Variants in FAM117A observed in about 807,000 individuals in gnomAD.
FAM117A encodes family with sequence similarity 117 member A, also known as protein FAM117A.
In FAM117A, 21 loss-of-function variants were observed where a neutral mutation model predicts 44.1. The observed-to-expected ratio is 0.48, with a 90% CI of 0.34 to 0.69. The LOEUF (loss-of-function observed/expected upper bound fraction) is 0.69. FAM117A is among the 30% of genes least tolerant of loss of function. The probability of loss-of-function intolerance (pLI) is 0.01; values close to 1 mark genes in which losing one functional copy is unlikely to be tolerated. For synonymous variants in FAM117A, 220 were observed against 238.3 expected (o/e 0.92, Z 0.71); for missense variants, 498 against 589.9 (o/e 0.84, Z 1.61).
intron 1 of FAM117A, among the ~76,000 whole-genome samples, chr17:49,756,624 A>G (rs552123271): frequency 5.9e-5 from 9 of 151,930 alleles, no homozygotes; most frequent in South Asian, 2.1e-4. Context: ...AAAAAAAAAA[A>G]AGAGACAAAG....
chr17:49,714,047 G>A (rs561368127), intron 7 of FAM117A, among the ~76,000 whole-genome samples: 4 of 152,230 alleles, frequency 2.6e-5, no homozygotes, highest in South Asian at 2.1e-4. Context: ...GAGAGAGAAC[G>A]TTCTAGGTGT....
intron 1 of FAM117A, among the ~76,000 whole-genome samples, chr17:49,745,654 A>G (rs1455376146): frequency 1.3e-5 from 2 of 152,232 alleles, no homozygotes; most frequent in Non-Finnish European, 2.9e-5. Context: ...CTTCCCATTT[A>G]CAGGAAATAC....
intron 1 of FAM117A, among the ~76,000 whole-genome samples, chr17:49,746,400 A>G (rs1299726058): frequency 1.3e-5 from 2 of 152,238 alleles, no homozygotes. Flanking sequence ...GGCAGGTTAT[A>G]GCCAAATTCA....
chr17:49,789,055 C>G (rs1179296250), upstream of FAM117A: 10 of 426,342 alleles, frequency 2.3e-5, no homozygotes, highest in African/African-American at 2.1e-4. Context: ...TTCCCGCCCT[C>G]TGCTTGCCTG....
At chr17:49,729,016 G>C (rs2143725773) in intron 2 of FAM117A, among the ~76,000 whole-genome samples, 1 of 152,352 alleles carries the variant, frequency 6.6e-6, no homozygotes, top group South Asian at 2.1e-4. Context: ...AACCACCTAA[G>C]AGTTTAAAAC....
chr17:49,714,231 C>T (rs532165770), intron 7 of FAM117A, among the ~76,000 whole-genome samples: 1 of 152,008 alleles, frequency 6.6e-6, no homozygotes, highest in South Asian at 2.1e-4. Flanking sequence ...GCTAAACACA[C>T]AAACTTCCCA....
At chr17:49,712,595 C>T (rs529316160) in intron 7 of FAM117A, among the ~76,000 whole-genome samples, 3 of 152,212 alleles carry the variant, frequency 2.0e-5, no homozygotes, top group South Asian at 2.1e-4. Context: ...ACTGCAGCCT[C>T]GACCTCCCCG....
intron 1 of FAM117A, among the ~76,000 whole-genome samples, chr17:49,743,289 G>A (rs550808367): frequency 5.3e-5 from 8 of 152,238 alleles, no homozygotes; most frequent in South Asian, 4.2e-4. Flanking sequence ...AAGGTAGGAA[G>A]AGAACAATTT....
intron 1 of FAM117A, among the ~76,000 whole-genome samples, chr17:49,741,111 C>T (rs1296512313): frequency 1.3e-5 from 2 of 152,144 alleles, no homozygotes; most frequent in South Asian, 4.2e-4. Context: ...TCCCAAAATA[C>T]CCAAGAAGGA....
At chr17:49,775,330 T>TC (rs1341246357) in intron 1 of FAM117A, among the ~76,000 whole-genome samples, 1 of 152,162 alleles carries the variant, frequency 6.6e-6, no homozygotes, top group African/African-American at 2.4e-5. Context: ...CCCAGTTACA[T>TC]CCCACCCAAC....
At chr17:49,783,759 A>G (rs957235048) in intron 1 of FAM117A, among the ~76,000 whole-genome samples, 1 of 152,260 alleles carries the variant, frequency 6.6e-6, no homozygotes, top group Non-Finnish European at 1.5e-5. Flanking sequence ...GACTAAGCCA[A>G]TACTTTGCCT....
chr17:49,752,485 C>T (rs1262325577), intron 1 of FAM117A, among the ~76,000 whole-genome samples: 1 of 152,204 alleles, frequency 6.6e-6, no homozygotes, highest in East Asian at 1.9e-4. Flanking sequence ...ACGCATCACC[C>T]ACATGTATTC....
chr17:49,740,274 G>T (rs1161253363), intron 1 of FAM117A, among the ~76,000 whole-genome samples: 22 of 151,066 alleles, frequency 1.5e-4, no homozygotes, highest in African/African-American at 4.9e-4. Context: ...TTGAGAGGGA[G>T]TCTCACTCTG....
intron 1 of FAM117A, among the ~76,000 whole-genome samples, chr17:49,758,671 AAAT>A (rs1217819033): frequency 1.3e-5 from 2 of 149,612 alleles, no homozygotes; most frequent in Non-Finnish European, 3.0e-5. Flanking sequence ...ATAAATAAAT[AAAT>A]AAATAAAATA....
chr17:49,783,406 G>T (rs2143808882), intron 1 of FAM117A, among the ~76,000 whole-genome samples: 1 of 152,020 alleles, frequency 6.6e-6, no homozygotes, highest in Middle Eastern at 3.4e-3. Flanking sequence ...AGATCAGAGT[G>T]ATTTTTTTTT....
intron 7 of FAM117A, among the ~76,000 whole-genome samples, chr17:49,715,278 T>C (rs1468818341): frequency 2.0e-5 from 3 of 152,290 alleles, no homozygotes; most frequent in Admixed American, 2.0e-4. Flanking sequence ...GGCTTCTGTA[T>C]GTACCTTCGG....
intron 1 of FAM117A, among the ~76,000 whole-genome samples, chr17:49,778,160 CTTTTCTTT>C (rs1170057821): frequency 1.3e-5 from 2 of 152,200 alleles, no homozygotes; most frequent in Non-Finnish European, 2.9e-5. Context: ...CCTATTCATA[CTTTTCTTT>C]TTTTGCCTCT....
At chr17:49,762,145 T>C (rs967313322) in intron 1 of FAM117A, among the ~76,000 whole-genome samples, 3 of 152,226 alleles carry the variant, frequency 2.0e-5, no homozygotes, top group Admixed American at 6.5e-5. Flanking sequence ...CAATTGTCCT[T>C]TTAATATTAG....
intron 2 of FAM117A, among the ~76,000 whole-genome samples, chr17:49,723,923 A>G (rs2073547216): frequency 6.6e-6 from 1 of 152,188 alleles, no homozygotes; most frequent in South Asian, 2.1e-4. Context: ...TAAGTAGGTA[A>G]CAGAGGAGTC....
Sources: gnomAD v4.1 joint callset for allele counts (sites outside exome capture counted in the v4.1 genomes callset) on GRCh38, gnomAD v4.1.1 for gene constraint, MANE v1.5 for transcripts, NCBI Gene and HGNC (gene_info 2026-07-23, HGNC 2026-07-21) for gene names.